TAMALIN: variants seen among roughly 807,000 people sequenced by gnomAD.
TAMALIN encodes protein TAMALIN.
In TAMALIN, 9 loss-of-function variants were observed where a neutral mutation model predicts 38.5. The ratio of observed to expected loss-of-function variants is 0.23; its 90% confidence interval spans 0.14 to 0.41. The LOEUF (loss-of-function observed/expected upper bound fraction) is 0.41. Ranked by LOEUF, TAMALIN falls within the 10% of genes least tolerant of loss-of-function variation. The probability of loss-of-function intolerance (pLI) is 1.00; values close to 1 mark genes in which losing one functional copy is unlikely to be tolerated. For missense variants in TAMALIN, 548 were observed against 554.1 expected (o/e 0.99, Z 0.11); for synonymous variants, 306 against 256.5 (o/e 1.19, Z -1.85).
intron 2 of TAMALIN, 67 bp downstream of exon 2, chr12:52,009,306 G>A: frequency 6.8e-7 from 1 of 1,464,778 alleles, no homozygotes; most frequent in Non-Finnish European, 9.5e-7. Context: ...GGGGGTGCCA[G>A]GACAGCATCT....
chr12:52,009,118 A>C, intron 1 of TAMALIN, 72 bp from the exon 2 acceptor site: 1 of 1,461,420 alleles, frequency 6.8e-7, no homozygotes, highest in African/African-American at 1.4e-5. Flanking sequence ...CGCTGTGTCC[A>C]GGGTAACCTC....
intron 4 of TAMALIN, 55 bp from the exon 5 acceptor site, chr12:52,013,632 C>G: frequency 6.7e-7 from 1 of 1,487,850 alleles, no homozygotes; most frequent in South Asian, 1.1e-5. Flanking sequence ...AGGTAGGAGG[C>G]TGGTATTCTA....
Position 52,011,375 on chromosome 12 carries a change from A to T in TAMALIN, c.454+234A>T. 1 of 651,796 alleles carries T rather than the reference A, an allele frequency of 1.5e-6. No individual in the cohort carries two copies. The highest frequency in any genetic ancestry group is 2.7e-6 in the Non-Finnish European group (1 of 374,704). 40.4% of individuals were successfully genotyped at this position (651,796 alleles called of 1,614,324 possible). A position where few individuals can be genotyped will look rare whatever the true frequency, so the allele number is the denominator to read the frequency against. On this transcript the variant is annotated intron_variant, in intron 4 of 7. Coordinates refer to ENST00000293662, the MANE Select transcript of TAMALIN (RefSeq NM_181711.4). This position sits in a 1 kb window ranked among gnomAD's most constrained non-coding sequence, Gnocchi z 5.3. ...GAGGGTAATAATGCATCCAAACATC[A>T]CAGTGCGGCAAGGGGATTCCCTGGG...
intron 1 of TAMALIN, chr12:52,008,703 G>A (rs1268134353): frequency 1.0e-6 from 1 of 985,280 alleles, no homozygotes; most frequent in East Asian, 1.1e-4. Context: ...ACTGTCTGTA[G>A]CTGAGAAATT....
chr12:52,013,235 G>A (rs577268355), intron 4 of TAMALIN, among the ~76,000 whole-genome samples: 3 of 149,922 alleles, frequency 2.0e-5, no homozygotes, highest in South Asian at 4.2e-4. Context: ...CTGCTACCAC[G>A]CCCGGCTAAT....
chr12:52,012,110 T>C (rs1263070861), intron 4 of TAMALIN, among the ~76,000 whole-genome samples: 3 of 151,950 alleles, frequency 2.0e-5, no homozygotes, highest in Non-Finnish European at 4.4e-5. Context: ...GAGTGGTGAG[T>C]AGGCACACGC....
At chr12:52,013,450 C>T (rs946806949) in intron 4 of TAMALIN, 7 of 506,558 alleles carry the variant, frequency 1.4e-5, no homozygotes, top group South Asian at 1.2e-4. Flanking sequence ...GGGTGCTGGG[C>T]GTGGACAACC....
intron 4 of TAMALIN, among the ~76,000 whole-genome samples, chr12:52,012,092 G>A (rs1180520814): frequency 6.6e-6 from 1 of 152,196 alleles, no homozygotes; most frequent in Non-Finnish European, 1.5e-5. Flanking sequence ...TGGCAGGAAC[G>A]CCTGCAAGAG....
rs1220879695 is a variant in TAMALIN, at chr12:52,014,871, C to A, written c.860C>A (p.Thr287Lys). 1.6e-6 allele frequency: 2 copies of A among 1,267,968 alleles called. No homozygotes were observed. The highest frequency in any genetic ancestry group is 1.9e-5 in the South Asian group (1 of 52,134). The allele number at this position is 1,267,968 out of a possible 1,614,324, so 78.5% of individuals were successfully genotyped here. A position where few individuals can be genotyped will look rare whatever the true frequency, so the allele number is the denominator to read the frequency against. The change falls in exon 8 of 8, where the codon ACG (threonine) becomes AAG (lysine). Residue 287 changes from threonine (T) to lysine (K), a missense_variant. Transcript: ENST00000293662. ...GACGCCGACGACGCCGTCTACCACACGTGCTTCTTCGGGGACTCCGAGCCG... is the reference window on the plus strand; with the variant it reads ...GACGCCGACGACGCCGTCTACCACAAGTGCTTCTTCGGGGACTCCGAGCCG... ...RGDADDAVYH[T>K]CFFGDSEPPA...
Position 52,015,217 on chromosome 12 carries a change from G to A in TAMALIN, c.*18G>A, listed in dbSNP as rs763227859. The A allele has an allele frequency of 1.2e-5, 19 of 1,576,792 alleles. No homozygotes were observed. Among genetic ancestry groups the A allele is most frequent in the Non-Finnish European group, 1.6e-5 (19 of 1,170,812 alleles). On this transcript the variant is annotated 3_prime_UTR_variant, in exon 8 of 8. Coordinates refer to ENST00000293662, the MANE Select transcript of TAMALIN (RefSeq NM_181711.4). ...AGCTGTAGGGGCGGGGGCGGGCAGGGAGGTATTTATTTATTTATTCGCAAC... is the reference window on the plus strand; with the variant it reads ...AGCTGTAGGGGCGGGGGCGGGCAGGAAGGTATTTATTTATTTATTCGCAAC...
Position 52,015,046 on chromosome 12 carries a change from G to A in TAMALIN, c.1035G>A (p.Gly345=). ...RCAGPGGGGG[G]GAPGALWTEA... is the part of the protein sequence containing the mutation. ...CGGGCCCTGGCGGGGGCGGAGGCGG[G>A]GGCGCGCCGGGCGCGCTCTGGACTG... The change falls in exon 8 of 8, where the codon GGG becomes GGA. Residue 345 remains glycine, a synonymous_variant. Transcript: ENST00000293662. 7.3e-7 allele frequency: 1 copy of A among 1,360,824 alleles called. No homozygotes were observed. The highest frequency in any genetic ancestry group is 9.4e-7 in the Non-Finnish European group (1 of 1,064,164). 84.3% of individuals were successfully genotyped at this position (1,360,824 alleles called of 1,614,324 possible).
In TAMALIN at chr12:52,014,888, T is replaced by G; in HGVS notation, c.877T>G (p.Ser293Ala). Reference sequence around the variant, plus strand: ...CTACCACACGTGCTTCTTCGGGGACTCCGAGCCGCCGGCGCTGCCGCCCCC... The same window carrying G: ...CTACCACACGTGCTTCTTCGGGGACGCCGAGCCGCCGGCGCTGCCGCCCCC... ...AVYHTCFFGD[S>A]EPPALPPPPP... is the part of the protein sequence containing the mutation. Residue 293 changes from serine (S) to alanine (A), a missense_variant, in exon 8 of 8, where the codon TCC (serine) becomes GCC (alanine). By Grantham distance (99) the Ser-to-Ala change is moderately conservative (BLOSUM62 1). Coordinates refer to ENST00000293662, the MANE Select transcript of TAMALIN (RefSeq NM_181711.4). The G allele has an allele frequency of 4.9e-6, 6 of 1,235,622 alleles. No individual in the cohort carries two copies. The highest frequency in any genetic ancestry group is 6.1e-6 in the Non-Finnish European group (6 of 980,184). The allele number at this position is 1,235,622 out of a possible 1,614,324, so 76.5% of individuals were successfully genotyped here.
chr12:52,014,566 C>T (rs1937739501), intron 7 of TAMALIN, 128 bp from the exon 8 acceptor site: 7 of 716,440 alleles, frequency 9.8e-6, no homozygotes, highest in African/African-American at 3.6e-5. Flanking sequence ...CAGGTTTGTG[C>T]CTGGCCAGGG....
At chr12:52,009,334 T>C in intron 2 of TAMALIN, 95 bp downstream of exon 2, 1 of 1,214,660 alleles carries the variant, frequency 8.2e-7, no homozygotes, top group Non-Finnish European at 1.2e-6. Flanking sequence ...GCGAGGGTAG[T>C]CATTCTCCTA....
At position 52,009,998 on chromosome 12, in the gene TAMALIN, G is replaced by A. The variant is rs1942475127; in HGVS notation, c.296+759G>A. 2.0e-5 allele frequency among the ~76,000 whole-genome samples: 3 copies of A among 152,302 alleles called. No individual in the cohort carries two copies. The South Asian group carries it at 6.2e-4, about 32-fold the overall frequency. On this transcript the variant is annotated intron_variant, in intron 2 of 7. Transcript: ENST00000293662. ...TGGCCCTTTGCAGAAAAAGTTTGCT[G>A]ACCCTTCCAAAAAACCCTAGAACAT...
In TAMALIN at chr12:52,007,351, G is replaced by A. The variant is rs939023057; in HGVS notation, c.246+86G>A. ...GCTGACTCCGCAGTGCCCTCTCCTCGGCGTCCGCGGAGTCCCCCACCTTCT... is the reference window on the plus strand; with the variant it reads ...GCTGACTCCGCAGTGCCCTCTCCTCAGCGTCCGCGGAGTCCCCCACCTTCT... On this transcript the variant is annotated intron_variant, in intron 1 of 7. Coordinates refer to ENST00000293662, the MANE Select transcript of TAMALIN (RefSeq NM_181711.4). This position sits in a 1 kb window ranked among gnomAD's most constrained non-coding sequence, Gnocchi z 6.7. 27 of 1,296,168 alleles carry A rather than the reference G, an allele frequency of 2.1e-5. 1 individual carries two copies. The South Asian group carries it at 5.4e-4, about 26-fold the overall frequency. 80.3% of individuals were successfully genotyped at this position (1,296,168 alleles called of 1,614,324 possible).
At position 52,013,746 on chromosome 12, in the gene TAMALIN, G is replaced by T. The variant is rs748203158; in HGVS notation, c.514G>T (p.Val172Leu). The change falls in exon 5 of 8, where the codon GTG (valine) becomes TTG (leucine). Residue 172 changes from valine to leucine, a missense_variant. Physicochemically the swap from Val to Leu is conservative, Grantham distance 32. Around this residue, in one of 3 missense-constraint regions of TAMALIN, gnomAD observed 415 missense variants for 417.0 expected, o/e 1.00. Transcript: ENST00000293662. ...GGAAGGCATCCGGCATCGAGAGATT[G>T]TGGACATCATTAAGGCGTCAGGCAA... ...NVEGIRHREI[V>L]DIIKASGNVL... The T allele has an allele frequency of 1.3e-5, 21 of 1,614,100 alleles. No individual in the cohort carries two copies. Among genetic ancestry groups the T allele is most frequent in the Non-Finnish European group, 1.8e-5 (21 of 1,180,056 alleles).
At chr12:52,012,667 A>G (rs1306498533) in intron 4 of TAMALIN, among the ~76,000 whole-genome samples, 3 of 152,212 alleles carry the variant, frequency 2.0e-5, no homozygotes, top group African/African-American at 4.8e-5. Context: ...GCCAAGTGGT[A>G]TACTACAACT....
At chr12:52,014,027 C>T in intron 6 of TAMALIN, 84 bp downstream of exon 6, 2 of 1,536,832 alleles carry the variant, frequency 1.3e-6, no homozygotes, top group South Asian at 1.1e-5. Context: ...AGCTGAATCT[C>T]CTGTAACTGA....
Sources: allele counts gnomAD v4.1 joint callset (sites outside exome capture counted in the v4.1 genomes callset), GRCh38; gene constraint gnomAD v4.1.1; regional missense constraint gnomAD v4.1.1; non-coding constraint Gnocchi (gnomAD v3.1); transcripts MANE v1.5; gene names NCBI Gene and HGNC (gene_info 2026-07-23, HGNC 2026-07-21).